BCAS3: variants seen among roughly 807,000 people sequenced by gnomAD.
BCAS3 encodes the protein BCAS3 microtubule associated cell migration factor.
In BCAS3, 53 loss-of-function variants were observed where a neutral mutation model predicts 116.1. The ratio of observed to expected loss-of-function variants is 0.46; its 90% CI spans 0.37 to 0.57. BCAS3 has a LOEUF of 0.57. Among genes scored for constraint, BCAS3 ranks in the 20% least tolerant of loss-of-function variants. BCAS3 has a pLI of 0.00. For synonymous variants in BCAS3, 391 were observed against 408.2 expected, an observed-to-expected ratio of 0.96 and a Z score of 0.51; for missense variants, 917 against 1,165.4, an observed-to-expected ratio of 0.79 and a Z score of 3.10.
chr17:61,308,542 C>A (rs974633106), intron 22 of BCAS3, among the ~76,000 whole-genome samples: 9 of 151,836 alleles, frequency 5.9e-5, no homozygotes, highest in African/African-American at 1.9e-4. Context: ...CAGACCCCAG[C>A]TCTTCTCGGT....
At position 61,204,397 on chromosome 17, in the gene BCAS3, G is replaced by T. The variant is rs2081010827; in HGVS notation, c.2425+119833G>T. Reference sequence around the variant, plus strand: ...CTTTACATTTAGTTCACTATTTTTTGAAAATAATATTCTATGTTTGGATTT... The same window carrying T: ...CTTTACATTTAGTTCACTATTTTTTTAAAATAATATTCTATGTTTGGATTT... On this transcript the variant is annotated intron_variant, in intron 22 of 23. Coordinates refer to ENST00000407086, the MANE Select transcript of BCAS3 (RefSeq NM_017679.5). This position sits in a 1 kb window ranked among gnomAD's most constrained non-coding sequence, Gnocchi z 4.2. Among the ~76,000 whole-genome samples the T allele has an allele frequency of 6.6e-6, 1 of 152,020 alleles. No homozygotes were observed. Among genetic ancestry groups the T allele is most frequent in the Non-Finnish European group, 1.5e-5 (1 of 68,008 alleles).
At chr17:61,389,356 T>C (rs1223987092) in intron 23 of BCAS3, 1 of 152,700 alleles carries the variant, frequency 6.5e-6, no homozygotes, top group African/African-American at 2.4e-5. Flanking sequence ...CGGGTATCAC[T>C]AGTGAGGGGT....
chr17:60,864,657 A>T (rs1386178447), intron 7 of BCAS3, among the ~76,000 whole-genome samples: 1 of 152,118 alleles, frequency 6.6e-6, no homozygotes, highest in Non-Finnish European at 1.5e-5. Flanking sequence ...TAGCACTTTT[A>T]ATTTCTTCAA....
rs745632666 is a variant in BCAS3 at position 61,226,361 on chromosome 17, A to G, written c.2425+141797A>G. On this transcript the variant is annotated intron_variant, in intron 22 of 23. Coordinates refer to ENST00000407086, the MANE Select transcript of BCAS3 (RefSeq NM_017679.5). The surrounding 1 kb of genome is among the most constrained non-coding windows in gnomAD (Gnocchi z 6.0). Reference sequence around the variant, plus strand: ...AGATTGGCAATATTTGAAACATTTAAATTATATTAACAGTTTTTCTTTTTT... The same window carrying G: ...AGATTGGCAATATTTGAAACATTTAGATTATATTAACAGTTTTTCTTTTTT... 6.6e-6 allele frequency among the ~76,000 whole-genome samples: 1 copy of G among 152,250 alleles called. No homozygotes were observed.
intron 22 of BCAS3, among the ~76,000 whole-genome samples, chr17:61,334,682 A>C (rs1448269425): frequency 3.3e-5 from 5 of 151,570 alleles, no homozygotes; most frequent in Admixed American, 2.0e-4. Context: ...AAAAAAAAAA[A>C]AAAAAAACAC....
intron 7 of BCAS3, among the ~76,000 whole-genome samples, chr17:60,809,451 G>A (rs781546404): frequency 2.6e-5 from 4 of 152,166 alleles, no homozygotes; most frequent in Non-Finnish European, 5.9e-5. Flanking sequence ...TGGCATTCAT[G>A]CCTGCAGCTG....
chr17:60,745,973 TA>T (rs911140310), intron 5 of BCAS3, among the ~76,000 whole-genome samples: 3 of 152,168 alleles, frequency 2.0e-5, no homozygotes, highest in Non-Finnish European at 4.4e-5. Context: ...TGTAGATTTA[TA>T]GTAATATTGT....
At position 61,203,986 on chromosome 17, in the gene BCAS3, G is replaced by C. The variant is rs945286153; in HGVS notation, c.2425+119422G>C. On this transcript the variant is annotated intron_variant, in intron 22 of 23. Transcript: ENST00000407086. The surrounding 1 kb of genome is among the most constrained non-coding windows in gnomAD (Gnocchi z 5.7). ...TGCCCGGCCCCCTTCTTTCACAGCTGGGGTTTTGGCAGCCTGTCCTCGGGT... is the reference window on the plus strand; with the variant it reads ...TGCCCGGCCCCCTTCTTTCACAGCTCGGGTTTTGGCAGCCTGTCCTCGGGT... Among the ~76,000 whole-genome samples, 1 of 152,196 alleles carries C rather than the reference G, an allele frequency of 6.6e-6. No homozygotes were observed. Among genetic ancestry groups the C allele is most frequent in the African/African-American group, 2.4e-5 (1 of 41,436 alleles).
At chr17:61,085,898 G>A (rs905159603) in intron 22 of BCAS3, among the ~76,000 whole-genome samples, 9 of 152,150 alleles carry the variant, frequency 5.9e-5, no homozygotes, top group African/African-American at 2.2e-4. Flanking sequence ...TTAATCTGAA[G>A]TATTTTATTC....
At chr17:60,886,190 T>TCATTTCATC (rs1163863389) in intron 9 of BCAS3, among the ~76,000 whole-genome samples, 4 of 145,122 alleles carry the variant, frequency 2.8e-5, no homozygotes, top group East Asian at 2.0e-4. Flanking sequence ...TTCATTTCAT[T>TCATTTCATC]CATTTCATCT....
At chr17:60,992,647 A>G (rs184081287) in intron 15 of BCAS3, among the ~76,000 whole-genome samples, 16 of 152,342 alleles carry the variant, frequency 1.1e-4, no homozygotes, top group Non-Finnish European at 1.0e-4. Flanking sequence ...CCATGTAACA[A>G]ACTTGCACAT....
chr17:61,353,685 T>A (rs1666419347), intron 22 of BCAS3: 1 of 152,222 alleles, frequency 6.6e-6, no homozygotes, highest in Non-Finnish European at 1.5e-5. Flanking sequence ...TGTTAAGACG[T>A]CTACGCCTCG....
In BCAS3 at chr17:60,709,808, T is replaced by C. The variant is rs556060217; in HGVS notation, c.321+483T>C. On this transcript the variant is annotated intron_variant, in intron 5 of 23. Transcript: ENST00000407086. ...GCATAATATTGGTCTTATTTTGCAT[T>C]TGGACTCCTACATGTGCCTTTTTTG... 4.6e-5 allele frequency among the ~76,000 whole-genome samples: 7 copies of C among 152,374 alleles called. No individual in the cohort carries two copies. In the South Asian group the frequency reaches 1.4e-3, roughly 32 times the overall value.
intron 22 of BCAS3, among the ~76,000 whole-genome samples, chr17:61,099,666 A>C (rs1601226290): frequency 1.3e-5 from 2 of 152,338 alleles, no homozygotes; most frequent in East Asian, 3.9e-4. Context: ...CTTAGCATGG[A>C]AATTTTTGTT....
intron 14 of BCAS3, among the ~76,000 whole-genome samples, chr17:60,985,817 A>C (rs1374106576): frequency 2.0e-5 from 3 of 152,076 alleles, no homozygotes; most frequent in Admixed American, 2.0e-4. Context: ...GCTCACTGCA[A>C]CCTCCACCTC....
At chr17:61,115,839 C>G (rs2075397521) in intron 22 of BCAS3, among the ~76,000 whole-genome samples, 2 of 151,318 alleles carry the variant, frequency 1.3e-5, no homozygotes, top group African/African-American at 2.4e-5. Flanking sequence ...TTGGAACCAA[C>G]CCAAATGTCC....
intron 14 of BCAS3, among the ~76,000 whole-genome samples, chr17:60,982,877 A>G (rs1373099): frequency 1 from 151,841 of 152,278 alleles, 75,702 homozygotes; most frequent in East Asian, 1. Context: ...AGTTCTAAAA[A>G]AAACCTCCAC....
At chr17:60,744,817 C>T (rs2041896171) in intron 5 of BCAS3, among the ~76,000 whole-genome samples, 1 of 151,960 alleles carries the variant, frequency 6.6e-6, no homozygotes, top group Non-Finnish European at 1.5e-5. Context: ...TTTTCCTCCC[C>T]TCACCCATTG....
chr17:60,789,603 G>A (rs888582201), intron 6 of BCAS3, among the ~76,000 whole-genome samples: 4 of 152,154 alleles, frequency 2.6e-5, no homozygotes, highest in African/African-American at 7.2e-5. Context: ...TTGGCTAGCC[G>A]CTTTTCATTT....
Sources: gnomAD v4.1 joint callset for allele counts (sites outside exome capture counted in the v4.1 genomes callset) on GRCh38, gnomAD v4.1.1 for gene constraint, Gnocchi (gnomAD v3.1) non-coding constraint, MANE v1.5 for transcripts, NCBI Gene and HGNC (gene_info 2026-07-23, HGNC 2026-07-21) for gene names.